BLK: variants seen among roughly 807,000 people sequenced by gnomAD.
The protein encoded by BLK is tyrosine-protein kinase Blk.
A neutral mutation model predicts 61.8 loss-of-function variants in BLK; 64 were observed. That is an observed-to-expected ratio of 1.03 (90% CI 0.85 to 1.27). The LOEUF (loss-of-function observed/expected upper bound fraction) is 1.27. Ranked by LOEUF, BLK falls within the 50% of genes most tolerant of loss-of-function variation. The pLI, the probability that BLK is intolerant of heterozygous loss-of-function variation, is 0.00. For synonymous variants in BLK, 351 were observed against 272.0 expected (o/e 1.29, Z -2.86); for missense variants, 853 against 660.5 (o/e 1.29, Z -3.19).
chr8:11,518,970 C>T (rs1323996197), intron 1 of BLK, among the ~76,000 whole-genome samples: 5 of 152,140 alleles, frequency 3.3e-5, no homozygotes, highest in African/African-American at 2.4e-5. Flanking sequence ...TCTAAATACC[C>T]CTGGGCCTGT....
chr8:11,535,174 T>G (rs1005968131), intron 1 of BLK, among the ~76,000 whole-genome samples: 1 of 126,894 alleles, frequency 7.9e-6, no homozygotes, highest in Non-Finnish European at 1.6e-5. Context: ...GACAGACAGA[T>G]GAATGAAAGA....
intron 10 of BLK, chr8:11,558,538 G>A (rs1181597119): frequency 2.4e-6 from 1 of 413,646 alleles, no homozygotes. Flanking sequence ...ACAGATGCCA[G>A]GGACATGACT....
At chr8:11,544,354 G>A (rs1020827217) in intron 2 of BLK, among the ~76,000 whole-genome samples, 4 of 152,096 alleles carry the variant, frequency 2.6e-5, no homozygotes, top group African/African-American at 4.8e-5. Context: ...GAGCCTTGCC[G>A]CGACCCCCTC....
At chr8:11,497,421 C>T (rs974943893) in intron 1 of BLK, among the ~76,000 whole-genome samples, 3 of 152,122 alleles carry the variant, frequency 2.0e-5, no homozygotes, top group Non-Finnish European at 2.9e-5. Context: ...AGGGCAGGTG[C>T]GAATGTCTCC....
chr8:11,521,771 A>G (rs1014325722), intron 1 of BLK, among the ~76,000 whole-genome samples: 14 of 152,066 alleles, frequency 9.2e-5, no homozygotes. Flanking sequence ...CTCTCCGTTC[A>G]CTTCCTGTTC....
intron 1 of BLK, among the ~76,000 whole-genome samples, chr8:11,521,016 G>T (rs1322039721): frequency 6.6e-6 from 1 of 151,880 alleles, no homozygotes; most frequent in Non-Finnish European, 1.5e-5. Context: ...GAATAATGAA[G>T]AAAATCTTTT....
At position 11,543,269 on chromosome 8, in the gene BLK, C is replaced by G; in HGVS notation, c.45C>G (p.Ile15Met). ...AAAAGCCGGACAAGGAAAAGCCGAT[C>G]AAAGAGAAGGACAAGGGCCAATGGA... is the stretch of plus-strand genomic sequence containing the variant. ...SSKKPDKEKP[I>M]KEKDKGQWSP... Residue 15 changes from isoleucine to methionine, a missense_variant, in exon 2 of 13, where the codon ATC becomes ATG. Transcript: ENST00000259089. The G allele has an allele frequency of 1.2e-6, 2 of 1,613,984 alleles. No individual in the cohort carries two copies. The highest frequency in any genetic ancestry group is 2.2e-5 in the East Asian group (1 of 44,878).
At chr8:11,547,156 G>A (rs969755311) in intron 3 of BLK, among the ~76,000 whole-genome samples, 1 of 152,238 alleles carries the variant, frequency 6.6e-6, no homozygotes, top group Non-Finnish European at 1.5e-5. Context: ...GGTGACAACA[G>A]GTAGATGCGA....
At chr8:11,519,912 TCA>T (rs1351152086) in intron 1 of BLK, among the ~76,000 whole-genome samples, 15 of 152,302 alleles carry the variant, frequency 9.8e-5, no homozygotes, top group African/African-American at 3.4e-4. Flanking sequence ...ACCAAAATAT[TCA>T]CAGAGATTGC....
intron 10 of BLK, chr8:11,560,975 TCTC>T (rs1801479883): frequency 1.9e-6 from 1 of 527,256 alleles, no homozygotes; most frequent in Non-Finnish European, 3.7e-6. Context: ...TTTCTTCTCT[TCTC>T]CCTCCCTCTC....
intron 1 of BLK, among the ~76,000 whole-genome samples, chr8:11,502,452 C>G (rs1025979940): frequency 1.6e-4 from 25 of 151,976 alleles, no homozygotes; most frequent in Non-Finnish European, 2.9e-5. Context: ...TACAGGCACC[C>G]GCCACCATGC....
At chr8:11,523,433 G>T (rs1030634340) in intron 1 of BLK, among the ~76,000 whole-genome samples, 3 of 151,966 alleles carry the variant, frequency 2.0e-5, no homozygotes, top group African/African-American at 7.3e-5. Flanking sequence ...GGCGCCTGTA[G>T]TCCCAGTTAC....
chr8:11,527,607 G>C (rs990165071), intron 1 of BLK, among the ~76,000 whole-genome samples: 2 of 151,876 alleles, frequency 1.3e-5, no homozygotes, highest in Non-Finnish European at 2.9e-5. Flanking sequence ...TGGTGGGCAG[G>C]GTAATAGATA....
intron 1 of BLK, among the ~76,000 whole-genome samples, chr8:11,531,421 C>T (rs990007273): frequency 1.2e-4 from 18 of 152,234 alleles, no homozygotes; most frequent in African/African-American, 4.1e-4. Context: ...GACTCATATT[C>T]TTTATATCCT....
chr8:11,517,838 G>C (rs896970268), intron 1 of BLK, among the ~76,000 whole-genome samples: 4 of 152,210 alleles, frequency 2.6e-5, no homozygotes, highest in Admixed American at 2.0e-4. Context: ...TGCCCCGACA[G>C]CTTGAACCTG....
intron 1 of BLK, among the ~76,000 whole-genome samples, chr8:11,502,542 C>T (rs1160965058): frequency 3.9e-5 from 6 of 152,180 alleles, no homozygotes; most frequent in South Asian, 2.1e-4. Context: ...CCCAGTTCGG[C>T]CTCCCAAACT....
intron 1 of BLK, among the ~76,000 whole-genome samples, chr8:11,500,615 A>G (rs1253650966): frequency 1.3e-5 from 2 of 151,494 alleles, no homozygotes; most frequent in African/African-American, 4.9e-5. Flanking sequence ...TCCCCAGCTC[A>G]GGCAATCCTC....
intron 1 of BLK, among the ~76,000 whole-genome samples, chr8:11,523,075 A>G (rs1799517034): frequency 6.6e-6 from 1 of 152,200 alleles, no homozygotes; most frequent in African/African-American, 2.4e-5. Context: ...ATACATTTAA[A>G]ATATTCATAG....
chr8:11,543,662 C>A (rs557135373), intron 2 of BLK, among the ~76,000 whole-genome samples: 1 of 152,290 alleles, frequency 6.6e-6, no homozygotes, highest in South Asian at 2.1e-4. Flanking sequence ...CTCTTCTCCC[C>A]AGCAGCTCCT....
Sources: allele counts gnomAD v4.1 joint callset (sites outside exome capture counted in the v4.1 genomes callset), GRCh38; gene constraint gnomAD v4.1.1; transcripts MANE v1.5; gene names NCBI Gene and HGNC (gene_info 2026-07-23, HGNC 2026-07-21).